Variants in ABLIM3 observed in about 807,000 individuals in gnomAD.
ABLIM3 encodes the protein actin binding LIM protein family member 3.
A neutral mutation model predicts 109.5 loss-of-function variants in ABLIM3; 61 were observed. The ratio of observed to expected loss-of-function variants is 0.56; its 90% CI spans 0.45 to 0.69. The LOEUF (loss-of-function observed/expected upper bound fraction) is 0.69, where lower values mean the gene tolerates loss of function less well. Among genes scored for constraint, ABLIM3 ranks in the 30% least tolerant of loss-of-function variants. ABLIM3 has a pLI of 0.00. For missense variants in ABLIM3, 796 were observed against 889.5 expected (o/e 0.89, Z 1.34); for synonymous variants, 300 against 324.8 (o/e 0.92, Z 0.82).
intron 9 of ABLIM3, among the ~76,000 whole-genome samples, chr5:149,231,365 A>T (rs1171998625): frequency 1.3e-5 from 2 of 152,186 alleles, no homozygotes; most frequent in Non-Finnish European, 2.9e-5. Flanking sequence ...AGGCTGCAGG[A>T]AGGATCCGGC....
At chr5:149,245,045 G>A in intron 16 of ABLIM3, 30 bp downstream of exon 16, 1 of 1,613,946 alleles carries the variant, frequency 6.2e-7, no homozygotes, top group Non-Finnish European at 8.5e-7. Context: ...CTGGGTCCAG[G>A]GCCCTAACAC....
At chr5:149,210,921 T>G in intron 7 of ABLIM3, 102 bp downstream of exon 7, 1 of 1,106,178 alleles carries the variant, frequency 9.0e-7, no homozygotes, top group South Asian at 1.3e-5. Flanking sequence ...TTTTTTTCCA[T>G]AGCCTTTACC....
At chr5:149,199,770 T>A (rs1758325639) in intron 4 of ABLIM3, among the ~76,000 whole-genome samples, 1 of 152,216 alleles carries the variant, frequency 6.6e-6, no homozygotes, top group Non-Finnish European at 1.5e-5. Flanking sequence ...ATTCTGTGTA[T>A]GGTTCATAAT....
chr5:149,186,945 T>G (rs958949067), intron 3 of ABLIM3, among the ~76,000 whole-genome samples: 3 of 152,094 alleles, frequency 2.0e-5, no homozygotes, highest in South Asian at 4.1e-4. Flanking sequence ...TCTTTGAAAT[T>G]AATTCAATGT....
At chr5:149,225,959 T>C (rs1355182152) in intron 8 of ABLIM3, among the ~76,000 whole-genome samples, 1 of 86,604 alleles carries the variant, frequency 1.2e-5, no homozygotes, top group Admixed American at 1.4e-4. Flanking sequence ...GTATATAATA[T>C]GTGTGTGTGT....
chr5:149,245,278 G>A (rs955151539), intron 16 of ABLIM3, among the ~76,000 whole-genome samples: 4 of 152,236 alleles, frequency 2.6e-5, no homozygotes, highest in African/African-American at 9.6e-5. Context: ...GAGGTGATGC[G>A]CAGAAGGTAG....
intron 5 of ABLIM3, among the ~76,000 whole-genome samples, chr5:149,204,466 G>T (rs1042435503): frequency 6.6e-6 from 1 of 152,174 alleles, no homozygotes; most frequent in South Asian, 2.1e-4. Flanking sequence ...CTGATATAAT[G>T]GAGGAGCAGC....
Position 149,246,510 on chromosome 5 carries a change from A to G in ABLIM3, c.1515A>G (p.Gly505=), listed in dbSNP as rs1345061399. Residue 505 remains glycine, a synonymous_variant, in exon 17 of 24, where the codon GGA becomes GGG. Coordinates refer to ENST00000309868, the MANE Select transcript of ABLIM3 (RefSeq NM_014945.5). ...KVPRARRFSS[G]GEEDDFDRSM... ...CCCGAGCCAGAAGGTTCTCGTCTGGAGGAGAGGAGGATGATTTTGACCGCA... is the reference window on the plus strand; with the variant it reads ...CCCGAGCCAGAAGGTTCTCGTCTGGGGGAGAGGAGGATGATTTTGACCGCA... The G allele has an allele frequency of 1.1e-5, 17 of 1,613,818 alleles. No individual in the cohort carries two copies. Among genetic ancestry groups the G allele is most frequent in the Non-Finnish European group, 1.4e-5 (17 of 1,179,902 alleles).
At chr5:149,175,260 A>C (rs1755820662) in intron 2 of ABLIM3, among the ~76,000 whole-genome samples, 1 of 152,186 alleles carries the variant, frequency 6.6e-6, no homozygotes, top group Non-Finnish European at 1.5e-5. Flanking sequence ...TCCTTTACCC[A>C]CCACTCTTGT....
intron 2 of ABLIM3, among the ~76,000 whole-genome samples, chr5:149,174,970 T>C (rs1441581239): frequency 6.6e-6 from 1 of 152,206 alleles, no homozygotes; most frequent in East Asian, 1.9e-4. Context: ...GCTCCATTAA[T>C]GTTAGTTGTT....
chr5:149,200,448 A>G lies in ABLIM3; in HGVS notation c.448+20A>G, dbSNP rs777819517. 1.9e-5 allele frequency: 30 copies of G among 1,607,096 alleles called. No homozygotes were observed. Among genetic ancestry groups the G allele is most frequent in the Non-Finnish European group, 2.6e-5 (30 of 1,173,664 alleles). ...CAAGCCGTGAGTCCTCCCCACGGGT[A>G]TCTCCCTGTCCATGGGTGTGATCTC... On this transcript the variant is annotated intron_variant, in intron 5 of 23. Transcript: ENST00000309868.
chr5:149,158,190 T>C (rs1406503007), intron 2 of ABLIM3, among the ~76,000 whole-genome samples: 3 of 152,220 alleles, frequency 2.0e-5, no homozygotes, highest in Non-Finnish European at 4.4e-5. Flanking sequence ...TTTCAGATTA[T>C]AAACTCCTTG....
At chr5:149,224,350 A>G (rs182933042) in intron 8 of ABLIM3, among the ~76,000 whole-genome samples, 1 of 152,268 alleles carries the variant, frequency 6.6e-6, no homozygotes, top group Admixed American at 6.5e-5. Context: ...GATATCCTCC[A>G]TGGTAACCAG....
At chr5:149,210,903 C>T in intron 7 of ABLIM3, 84 bp downstream of exon 7, 3 of 1,294,864 alleles carry the variant, frequency 2.3e-6, no homozygotes, top group Non-Finnish European at 3.4e-6. Flanking sequence ...AGAAAGTCAT[C>T]CCATACCTTT....
At chr5:149,174,008 C>T (rs1419918249) in intron 2 of ABLIM3, among the ~76,000 whole-genome samples, 3 of 125,012 alleles carry the variant, frequency 2.4e-5, no homozygotes, top group Admixed American at 2.0e-4. Flanking sequence ...GGCAACAGAG[C>T]GAGACTCCGT....
At chr5:149,156,857 C>G (rs981646969) in intron 2 of ABLIM3, among the ~76,000 whole-genome samples, 3 of 152,160 alleles carry the variant, frequency 2.0e-5, no homozygotes, top group Admixed American at 6.5e-5. Context: ...GTGTACCAAT[C>G]GAAATGTATT....
chr5:149,145,378 T>C (rs989255112), intron 2 of ABLIM3, among the ~76,000 whole-genome samples: 2 of 152,218 alleles, frequency 1.3e-5, no homozygotes, highest in African/African-American at 4.8e-5. Flanking sequence ...ACATTTTCTT[T>C]ACCCAGTACA....
chr5:149,242,535 C>T lies in ABLIM3; in HGVS notation c.1348C>T (p.His450Tyr). The T allele has an allele frequency of 6.2e-7, 1 of 1,614,110 alleles. No individual in the cohort carries two copies. The highest frequency in any genetic ancestry group is 8.5e-7 in the Non-Finnish European group (1 of 1,180,016). ...CCGGAAACCCCCGATCTACAAACGG[C>T]ATGGTATGGTCAGAGGTAGATAGGG... is the stretch of plus-strand genomic sequence containing the variant. Reference protein sequence around the residue: ...IYRKPPIYKRHGDLSTATKSK... With the variant: ...IYRKPPIYKRYGDLSTATKSK... The change falls in exon 15 of 24, where the codon CAT (histidine) becomes TAT (tyrosine). Residue 450 changes from histidine to tyrosine, a missense_variant. Coordinates refer to ENST00000309868, the MANE Select transcript of ABLIM3 (RefSeq NM_014945.5).
chr5:149,184,909 C>A (rs577946105), intron 3 of ABLIM3, among the ~76,000 whole-genome samples: 1 of 152,074 alleles, frequency 6.6e-6, no homozygotes, highest in Non-Finnish European at 1.5e-5. Flanking sequence ...GATGCATATA[C>A]GGGATACATT....
Sources: gnomAD v4.1 joint callset for allele counts (sites outside exome capture counted in the v4.1 genomes callset) on GRCh38, gnomAD v4.1.1 for gene constraint, MANE v1.5 for transcripts, NCBI Gene and HGNC (gene_info 2026-07-23, HGNC 2026-07-21) for gene names.